Variants in FSIP1 observed in about 807,000 individuals in gnomAD.
FSIP1 encodes fibrous sheath-interacting protein 1.
In FSIP1, 65 loss-of-function variants were observed where a neutral mutation model predicts 60.9. The ratio of observed to expected loss-of-function variants is 1.07; its 90% CI spans 0.87 to 1.31. The LOEUF (loss-of-function observed/expected upper bound fraction) is 1.31. FSIP1 is among the 40% of genes most tolerant of loss of function. The pLI is 0.00. For synonymous variants in FSIP1, 209 were observed against 221.2 expected, an observed-to-expected ratio of 0.94 and a Z score of 0.49; for missense variants, 675 against 665.5, an observed-to-expected ratio of 1.01 and a Z score of -0.16.
chr15:39,626,666 G>A (rs770875183), intron 10 of FSIP1, among the ~76,000 whole-genome samples: 26 of 152,230 alleles, frequency 1.7e-4, no homozygotes, highest in Non-Finnish European at 3.4e-4. Flanking sequence ...AGTTTCCCCC[G>A]TGTGCTCTCT....
chr15:39,656,358 G>A (rs936198562), intron 10 of FSIP1, among the ~76,000 whole-genome samples: 7 of 152,098 alleles, frequency 4.6e-5, no homozygotes, highest in Non-Finnish European at 1.0e-4. Context: ...TACCTATAGC[G>A]CCAATGAAAG....
Position 39,600,759 on chromosome 15 carries a change from A to G in FSIP1, c.*121T>C. ...ATATAATCCACAAAGAGCGACTCCA[A>G]ATGTCAAAATCAATAAAGAATAGTC... On this transcript the variant is annotated 3_prime_UTR_variant, in exon 12 of 12. Coordinates refer to ENST00000350221, the MANE Select transcript of FSIP1 (RefSeq NM_152597.5). The G allele has an allele frequency of 1.4e-6, 1 of 696,746 alleles. No homozygotes were observed. The highest frequency in any genetic ancestry group is 2.4e-6 in the Non-Finnish European group (1 of 425,468). The allele number at this position is 696,746 out of a possible 1,614,324, so 43.2% of individuals were successfully genotyped here.
At chr15:39,629,525 G>T (rs1420717689) in intron 10 of FSIP1, among the ~76,000 whole-genome samples, 1 of 152,162 alleles carries the variant, frequency 6.6e-6, no homozygotes, top group Non-Finnish European at 1.5e-5. Context: ...CCATTAGTCA[G>T]TTTTTCTCTT....
At chr15:39,770,895 G>A (rs183087091) in intron 2 of FSIP1, among the ~76,000 whole-genome samples, 286 of 152,346 alleles carry the variant, frequency 1.9e-3, no homozygotes, top group Non-Finnish European at 3.2e-3. Flanking sequence ...TCTGGGATAA[G>A]GCAGACGGGC....
chr15:39,660,792 G>A (rs577116435), intron 10 of FSIP1, among the ~76,000 whole-genome samples: 1 of 152,314 alleles, frequency 6.6e-6, no homozygotes, highest in South Asian at 2.1e-4. Context: ...GGGCATGGTG[G>A]CTCACACCTG....
chr15:39,651,195 T>C (rs1892853946), intron 10 of FSIP1, among the ~76,000 whole-genome samples: 1 of 152,230 alleles, frequency 6.6e-6, no homozygotes. Context: ...CCAATTTGTT[T>C]TATAATGTAG....
Position 39,624,987 on chromosome 15 carries a change from C to T in FSIP1, c.1189-6742G>A, listed in dbSNP as rs571976935. Among the ~76,000 whole-genome samples, 7 of 152,310 alleles carry T rather than the reference C, an allele frequency of 4.6e-5. No homozygotes were observed. In the East Asian group the frequency reaches 1.2e-3, roughly 25 times the overall value. ...GAATAATACTGAGTGTGAAGTAGGT[C>T]ACGGCAAACAGCTCTGAAGCGAGGT... On this transcript the variant is annotated intron_variant, in intron 10 of 11. Coordinates refer to ENST00000350221, the MANE Select transcript of FSIP1 (RefSeq NM_152597.5).
chr15:39,758,517 G>A (rs1051398765), intron 5 of FSIP1, among the ~76,000 whole-genome samples: 7 of 151,866 alleles, frequency 4.6e-5, no homozygotes, highest in African/African-American at 1.2e-4. Flanking sequence ...TTTGAGGGGG[G>A]GGAATAAGGG....
At chr15:39,613,028 A>G (rs1484198342) in intron 11 of FSIP1, among the ~76,000 whole-genome samples, 1 of 152,132 alleles carries the variant, frequency 6.6e-6, no homozygotes, top group Non-Finnish European at 1.5e-5. Flanking sequence ...AATATATTAT[A>G]AGAAGAATAT....
chr15:39,658,784 G>A lies in FSIP1; in HGVS notation c.1189-40539C>T, dbSNP rs143251113. On this transcript the variant is annotated intron_variant, in intron 10 of 11. Transcript: ENST00000350221. The stretch of plus-strand genomic sequence containing the variant: ...TCAAAAAGCAAAACATTGAGCTGCC[G>A]TATGACCCAGAAACTCCACCCCTAG... Among the ~76,000 whole-genome samples the A allele has an allele frequency of 4.5e-4, 68 of 152,226 alleles. 1 individual carries two copies. Among genetic ancestry groups the A allele is most frequent in the African/African-American group, 1.5e-3 (62 of 41,518 alleles).
intron 6 of FSIP1, among the ~76,000 whole-genome samples, chr15:39,740,400 A>G (rs1331283388): frequency 1.3e-5 from 2 of 152,234 alleles, no homozygotes; most frequent in Non-Finnish European, 2.9e-5. Flanking sequence ...TGCTCAAAAT[A>G]AGAATAAGAA....
chr15:39,608,097 A>T (rs1890892766), intron 11 of FSIP1, among the ~76,000 whole-genome samples: 2 of 152,220 alleles, frequency 1.3e-5, no homozygotes, highest in Non-Finnish European at 2.9e-5. Flanking sequence ...GTAAAACTCC[A>T]ACTTCAGATA....
At chr15:39,686,645 G>A (rs374603633) in intron 10 of FSIP1, among the ~76,000 whole-genome samples, 12 of 152,350 alleles carry the variant, frequency 7.9e-5, no homozygotes, top group South Asian at 6.2e-4. Flanking sequence ...AGCCTATGAC[G>A]GCAAGTGTCA....
In FSIP1 at chr15:39,678,473, ATC is replaced by A. The variant is rs1894032415; in HGVS notation, c.1188+34969_1188+34970del. ...TTAAAAATAGTCATGCAAGTAAAATATCTCATTGGAAAGGTAAATATTAGTGA... is the reference window on the plus strand; with the variant it reads ...TTAAAAATAGTCATGCAAGTAAAATATCATTGGAAAGGTAAATATTAGTGA... On this transcript the variant is annotated intron_variant, in intron 10 of 11. Transcript: ENST00000350221. Among the ~76,000 whole-genome samples, 3 of 152,322 alleles carry A rather than the reference ATC, an allele frequency of 2.0e-5. No individual in the cohort carries two copies. In the South Asian group the frequency reaches 6.2e-4, roughly 32 times the overall value.
At chr15:39,685,281 AAAGAT>A (rs2140493510) in intron 10 of FSIP1, among the ~76,000 whole-genome samples, 1 of 152,340 alleles carries the variant, frequency 6.6e-6, no homozygotes, top group East Asian at 1.9e-4. Context: ...CATGTGTGAT[AAAGAT>A]AAAATGTTAG....
At chr15:39,732,068 C>A (rs1272830854) in intron 8 of FSIP1, among the ~76,000 whole-genome samples, 1 of 152,160 alleles carries the variant, frequency 6.6e-6, no homozygotes, top group African/African-American at 2.4e-5. Flanking sequence ...ACTGTTCCAC[C>A]TCAGACCATC....
At chr15:39,767,168 G>C (rs1246788643) in intron 3 of FSIP1, among the ~76,000 whole-genome samples, 1 of 151,822 alleles carries the variant, frequency 6.6e-6, no homozygotes, top group Admixed American at 6.6e-5. Flanking sequence ...CCTCTTAGAG[G>C]AAAAAAAGAA....
At chr15:39,689,896 A>G (rs141731461) in intron 10 of FSIP1, among the ~76,000 whole-genome samples, 2 of 152,336 alleles carry the variant, frequency 1.3e-5, no homozygotes, top group Non-Finnish European at 2.9e-5. Flanking sequence ...TTCTTGAGTC[A>G]TTCATTTCTC....
chr15:39,753,681 T>A (rs1897227975), intron 5 of FSIP1, among the ~76,000 whole-genome samples: 1 of 152,006 alleles, frequency 6.6e-6, no homozygotes, highest in African/African-American at 2.4e-5. Flanking sequence ...CAACACTAAG[T>A]TCTTACAGCT....
Sources: allele counts gnomAD v4.1 joint callset (sites outside exome capture counted in the v4.1 genomes callset), GRCh38; gene constraint gnomAD v4.1.1; transcripts MANE v1.5; gene names NCBI Gene and HGNC (gene_info 2026-07-23, HGNC 2026-07-21).